The following FCHSD2 variants were observed in gnomAD, a reference collection of about 807,000 sequenced individuals.
The protein encoded by FCHSD2 is F-BAR and double SH3 domains protein 2.
FCHSD2 carries 38 observed loss-of-function variants against 108.1 expected under a neutral mutation model. That is an observed-to-expected ratio of 0.35 (90% CI 0.27 to 0.46). The LOEUF (loss-of-function observed/expected upper bound fraction) is 0.46, where lower values mean the gene tolerates loss of function less well. Among genes scored for constraint, FCHSD2 ranks in the 20% least tolerant of loss-of-function variants. FCHSD2 has a pLI of 1.00. For missense variants in FCHSD2, 751 were observed against 897.8 expected, an observed-to-expected ratio of 0.84 and a Z score of 2.09; for synonymous variants, 279 against 314.7, an observed-to-expected ratio of 0.89 and a Z score of 1.20.
At chr11:73,051,530 G>A (rs1007427100) in intron 3 of FCHSD2, among the ~76,000 whole-genome samples, 35 of 152,102 alleles carry the variant, frequency 2.3e-4, no homozygotes, top group Admixed American at 6.6e-4. Context: ...GTCTCTGAAT[G>A]AGGCAGAGGT....
At chr11:73,089,745 G>C (rs1454973101) in intron 2 of FCHSD2, among the ~76,000 whole-genome samples, 1 of 152,098 alleles carries the variant, frequency 6.6e-6, no homozygotes, top group Non-Finnish European at 1.5e-5. Flanking sequence ...AGTCCAGAGA[G>C]ACAAAAAGTA....
At chr11:73,009,056 C>T (rs2135426014) in intron 4 of FCHSD2, among the ~76,000 whole-genome samples, 1 of 150,554 alleles carries the variant, frequency 6.6e-6, no homozygotes, top group Admixed American at 6.6e-5. Context: ...AAAAAAAGGT[C>T]CAAGAGAAAG....
At chr11:73,028,491 T>A (rs1055883099) in intron 3 of FCHSD2, among the ~76,000 whole-genome samples, 1 of 152,202 alleles carries the variant, frequency 6.6e-6, no homozygotes, top group Non-Finnish European at 1.5e-5. Flanking sequence ...TTGCTTTTGA[T>A]TTTACAGGCT....
intron 3 of FCHSD2, among the ~76,000 whole-genome samples, chr11:73,046,919 T>C (rs552434999): frequency 6.6e-6 from 1 of 152,290 alleles, no homozygotes; most frequent in East Asian, 1.9e-4. Context: ...CAATAGGATG[T>C]AGATCAAAAT....
At chr11:72,983,118 C>T (rs978153725) in intron 8 of FCHSD2, among the ~76,000 whole-genome samples, 4 of 151,878 alleles carry the variant, frequency 2.6e-5, no homozygotes, top group African/African-American at 9.7e-5. Flanking sequence ...AACGGTGAAA[C>T]CCCGTCTCTA....
intron 8 of FCHSD2, among the ~76,000 whole-genome samples, chr11:72,954,083 A>G (rs1856666170): frequency 6.6e-6 from 1 of 152,162 alleles, no homozygotes. Context: ...CGCAGAGAAT[A>G]GACATAAAGG....
chr11:73,038,408 A>C (rs891792384), intron 3 of FCHSD2, among the ~76,000 whole-genome samples: 2 of 152,044 alleles, frequency 1.3e-5, no homozygotes, highest in Non-Finnish European at 2.9e-5. Context: ...GGGACCTTAT[A>C]ATTTATCCAG....
chr11:73,122,171 A>T (rs1163955799), intron 2 of FCHSD2, among the ~76,000 whole-genome samples: 1 of 152,060 alleles, frequency 6.6e-6, no homozygotes, highest in Non-Finnish European at 1.5e-5. Context: ...TTGCTAACTT[A>T]AAAGGCAAAA....
At chr11:72,868,662 G>A (rs756265948) in intron 12 of FCHSD2, among the ~76,000 whole-genome samples, 3 of 151,836 alleles carry the variant, frequency 2.0e-5, no homozygotes, top group South Asian at 2.1e-4. Context: ...CTACACTCCC[G>A]CCTGGGTGAC....
intron 13 of FCHSD2, among the ~76,000 whole-genome samples, chr11:72,865,960 T>A (rs762046907): frequency 6.6e-6 from 1 of 152,212 alleles, no homozygotes; most frequent in Admixed American, 6.5e-5. Flanking sequence ...GACCAAGTTT[T>A]GTTCATCTTC....
At chr11:72,888,624 T>C (rs1855247709) in intron 11 of FCHSD2, among the ~76,000 whole-genome samples, 1 of 144,990 alleles carries the variant, frequency 6.9e-6, no homozygotes, top group African/African-American at 2.5e-5. Flanking sequence ...TCTTTCTTTC[T>C]TTTTTTTTTT....
chr11:72,945,872 C>T (rs948177111), intron 8 of FCHSD2, among the ~76,000 whole-genome samples: 9 of 152,124 alleles, frequency 5.9e-5, no homozygotes, highest in African/African-American at 2.2e-4. Context: ...GTTAGAATGG[C>T]GATCATTAGA....
chr11:73,001,234 G>A, intron 4 of FCHSD2, 100 bp from the exon 5 acceptor site: 3 of 959,932 alleles, frequency 3.1e-6, no homozygotes, highest in Non-Finnish European at 4.8e-6. Context: ...ATAAATGAAT[G>A]TCTTCTTTAA....
chr11:72,995,762 G>A (rs1415693984), intron 5 of FCHSD2, among the ~76,000 whole-genome samples: 1 of 149,708 alleles, frequency 6.7e-6, no homozygotes, highest in Non-Finnish European at 1.5e-5. Flanking sequence ...GTATGACAGA[G>A]ACACAATAAT....
intron 13 of FCHSD2, among the ~76,000 whole-genome samples, chr11:72,860,651 C>T (rs923661305): frequency 6.6e-6 from 1 of 151,950 alleles, no homozygotes; most frequent in African/African-American, 2.4e-5. Flanking sequence ...TCTAGACCAG[C>T]GTGGGCAACA....
At chr11:72,999,681 T>G (rs1387041583) in intron 5 of FCHSD2, among the ~76,000 whole-genome samples, 1 of 152,142 alleles carries the variant, frequency 6.6e-6, no homozygotes, top group East Asian at 1.9e-4. Flanking sequence ...ACTTCATCAA[T>G]GGAAGAGAAA....
intron 2 of FCHSD2, among the ~76,000 whole-genome samples, chr11:73,092,241 C>T (rs1470652809): frequency 6.6e-6 from 1 of 152,122 alleles, no homozygotes; most frequent in Non-Finnish European, 1.5e-5. Context: ...CATCCTCCCT[C>T]CTTAGCCTCC....
chr11:72,954,877 TAC>T (rs374494257), intron 8 of FCHSD2, among the ~76,000 whole-genome samples: 5 of 151,618 alleles, frequency 3.3e-5, no homozygotes, highest in Non-Finnish European at 5.9e-5. Context: ...TCTATACATA[TAC>T]ACACACACAC....
chr11:72,876,739 C>T (rs746081521), intron 12 of FCHSD2, among the ~76,000 whole-genome samples: 3 of 152,056 alleles, frequency 2.0e-5, no homozygotes, highest in Non-Finnish European at 4.4e-5. Context: ...TATTCTTGTT[C>T]TATCAATTAC....
Sources: gnomAD v4.1 joint callset for allele counts (sites outside exome capture counted in the v4.1 genomes callset) on GRCh38, gnomAD v4.1.1 for gene constraint, MANE v1.5 for transcripts, NCBI Gene and HGNC (gene_info 2026-07-23, HGNC 2026-07-21) for gene names.